The following LRMDA variants were observed in gnomAD, a reference collection of about 807,000 sequenced individuals.
LRMDA encodes the protein leucine rich melanocyte differentiation associated, also known as leucine-rich melanocyte differentiation-associated protein.
LRMDA carries 18 observed loss-of-function variants against 29.8 expected under a neutral mutation model. The observed-to-expected ratio is 0.60, with a 90% CI of 0.42 to 0.90. The LOEUF (loss-of-function observed/expected upper bound fraction) is 0.90, where lower values mean the gene tolerates loss of function less well. Among genes scored for constraint, LRMDA ranks in the 40% least tolerant of loss-of-function variants. The pLI, the probability that LRMDA is intolerant of heterozygous loss-of-function variation, is 0.00. For missense variants in LRMDA, 273 were observed against 273.9 expected, an observed-to-expected ratio of 1.00 and a Z score of 0.02; for synonymous variants, 125 against 109.4, an observed-to-expected ratio of 1.14 and a Z score of -0.89.
chr10:75,951,536 A>G (rs1406409458), intron 2 of LRMDA, among the ~76,000 whole-genome samples: 4 of 152,184 alleles, frequency 2.6e-5, no homozygotes, highest in Non-Finnish European at 4.4e-5. Flanking sequence ...AGATGTCTCA[A>G]AGACCTGGAC....
Position 75,805,761 on chromosome 10 carries a change from A to G in LRMDA, c.132-230247A>G, listed in dbSNP as rs143027978. 8.8e-4 allele frequency among the ~76,000 whole-genome samples: 134 copies of G among 152,242 alleles called. 1 individual carries two copies. The highest frequency in any genetic ancestry group is 3.1e-3 in the African/African-American group (130 of 41,538). On this transcript the variant is annotated intron_variant, in intron 2 of 6. Transcript: ENST00000611255. ...TTTGGGGTTCAGTTTTTCCCCATGCACAAGGCCAGAGAGATTTTGTGACTT... is the reference window on the plus strand; with the variant it reads ...TTTGGGGTTCAGTTTTTCCCCATGCGCAAGGCCAGAGAGATTTTGTGACTT...
At chr10:76,338,755 CAT>C (rs1841001010) in intron 6 of LRMDA, among the ~76,000 whole-genome samples, 1 of 151,786 alleles carries the variant, frequency 6.6e-6, no homozygotes, top group African/African-American at 2.4e-5. Flanking sequence ...AATAAAATGA[CAT>C]AGAAAACTTG....
chr10:76,256,750 G>A (rs1362482133), intron 5 of LRMDA, among the ~76,000 whole-genome samples: 2 of 152,066 alleles, frequency 1.3e-5, no homozygotes, highest in South Asian at 4.1e-4. Flanking sequence ...ACACTTAAAA[G>A]TTTATCTTTT....
intron 6 of LRMDA, among the ~76,000 whole-genome samples, chr10:76,459,027 A>G (rs1226328783): frequency 1.3e-5 from 2 of 152,172 alleles, no homozygotes; most frequent in East Asian, 1.9e-4. Context: ...GCCTAGCCAG[A>G]TGCACATTTC....
intron 2 of LRMDA, among the ~76,000 whole-genome samples, chr10:75,488,841 C>T (rs1589158027): frequency 6.6e-6 from 1 of 152,148 alleles, no homozygotes; most frequent in South Asian, 2.1e-4. Flanking sequence ...ATACTGCCTT[C>T]CTGTTCCCCA....
At chr10:75,664,984 G>C (rs1841803146) in intron 2 of LRMDA, among the ~76,000 whole-genome samples, 2 of 152,190 alleles carry the variant, frequency 1.3e-5, no homozygotes, top group Non-Finnish European at 2.9e-5. Context: ...TGTGGAAATT[G>C]AGACTCAGAA....
At chr10:75,474,051 A>G (rs1344092179) in intron 2 of LRMDA, among the ~76,000 whole-genome samples, 2 of 152,194 alleles carry the variant, frequency 1.3e-5, no homozygotes, top group East Asian at 3.9e-4. Flanking sequence ...ATCTCCTTGC[A>G]TTGCGTTCCA....
At chr10:75,752,717 G>A (rs961186054) in intron 2 of LRMDA, among the ~76,000 whole-genome samples, 3 of 152,102 alleles carry the variant, frequency 2.0e-5, no homozygotes, top group Non-Finnish European at 4.4e-5. Context: ...TGTGTCTTAG[G>A]TATGTTCTCA....
chr10:75,437,262 A>G (rs1844273147), intron 1 of LRMDA, among the ~76,000 whole-genome samples: 1 of 152,206 alleles, frequency 6.6e-6, no homozygotes. Context: ...AGTTGAACCT[A>G]ATATCTGAGG....
intron 6 of LRMDA, among the ~76,000 whole-genome samples, chr10:76,383,154 T>G (rs184880296): frequency 3.9e-5 from 6 of 152,276 alleles, no homozygotes; most frequent in Admixed American, 3.3e-4. Flanking sequence ...CCAGGCCCAG[T>G]GACAAATACA....
At chr10:76,238,376 A>C (rs1191303899) in intron 5 of LRMDA, among the ~76,000 whole-genome samples, 4 of 152,156 alleles carry the variant, frequency 2.6e-5, no homozygotes, top group Non-Finnish European at 5.9e-5. Flanking sequence ...ATGACTTATT[A>C]AGTGACAGAG....
chr10:75,545,069 C>G (rs1486824952), intron 2 of LRMDA, among the ~76,000 whole-genome samples: 1 of 152,126 alleles, frequency 6.6e-6, no homozygotes, highest in African/African-American at 2.4e-5. Flanking sequence ...CATTCTCCCC[C>G]ACTCTTTGGA....
intron 5 of LRMDA, among the ~76,000 whole-genome samples, chr10:76,087,545 G>C (rs1257294198): frequency 6.6e-6 from 1 of 152,100 alleles, no homozygotes; most frequent in Admixed American, 6.5e-5. Flanking sequence ...AGGGTGATTG[G>C]GGTCCCTCAA....
At chr10:75,574,095 T>C (rs1448706402) in intron 2 of LRMDA, among the ~76,000 whole-genome samples, 1 of 152,138 alleles carries the variant, frequency 6.6e-6, no homozygotes, top group Non-Finnish European at 1.5e-5. Context: ...TCCAGCTTTA[T>C]GCAGAGCTCT....
At chr10:75,524,464 G>A (rs1772606680) in intron 2 of LRMDA, among the ~76,000 whole-genome samples, 1 of 152,138 alleles carries the variant, frequency 6.6e-6, no homozygotes, top group Non-Finnish European at 1.5e-5. Context: ...TCTTGGTGAT[G>A]TAATTTAGCG....
chr10:75,455,848 A>T (rs1190014932), intron 2 of LRMDA, among the ~76,000 whole-genome samples: 1 of 152,206 alleles, frequency 6.6e-6, no homozygotes, highest in Non-Finnish European at 1.5e-5. Context: ...AGGATTTTCC[A>T]TGCTGCCTTA....
rs147333466 is a variant in LRMDA, at chr10:76,196,213, T to C, written c.517-128188T>C. Among the ~76,000 whole-genome samples the C allele has an allele frequency of 2.2e-3, 333 of 152,348 alleles. 2 individuals are homozygous for C. The highest frequency in any genetic ancestry group is 7.6e-3 in the African/African-American group (318 of 41,588). On this transcript the variant is annotated intron_variant, in intron 5 of 6. Transcript: ENST00000611255. ...GGAAGTGAAACATTTAGTGTTTACA[T>C]GAGCTAGGACATTGTTACCCAACAC... is the stretch of plus-strand genomic sequence containing the variant.
chr10:75,566,293 G>C lies in LRMDA; in HGVS notation c.131+127799G>C, dbSNP rs114028150. Among the ~76,000 whole-genome samples the C allele has an allele frequency of 8.1e-3, 1,239 of 152,052 alleles. 15 individuals carry two copies. Among genetic ancestry groups the C allele is most frequent in the African/African-American group, 0.029 (1,192 of 41,440 alleles). On this transcript the variant is annotated intron_variant, in intron 2 of 6. Coordinates refer to ENST00000611255, the MANE Select transcript of LRMDA (RefSeq NM_001305581.2). ...CTTCCTGAAAGAGTTATGTCCACTC[G>C]TGTTCTTCACATGCTCACCTCCCAT... is the stretch of plus-strand genomic sequence containing the variant.
At chr10:76,035,466 G>T (rs1462920504) in intron 2 of LRMDA, among the ~76,000 whole-genome samples, 1 of 152,112 alleles carries the variant, frequency 6.6e-6, no homozygotes, top group Non-Finnish European at 1.5e-5. Flanking sequence ...CAAAGGATGT[G>T]AACGGAGAGA....
Sources: allele counts gnomAD v4.1 joint callset (sites outside exome capture counted in the v4.1 genomes callset), GRCh38; gene constraint gnomAD v4.1.1; transcripts MANE v1.5; gene names NCBI Gene and HGNC (gene_info 2026-07-23, HGNC 2026-07-21).